Variants in NR5A2 observed in about 807,000 individuals in gnomAD.
The protein encoded by NR5A2 is nuclear receptor subfamily 5 group A member 2, also known as CYP7A promoter-binding factor.
In NR5A2, 26 loss-of-function variants were observed where a neutral mutation model predicts 62.7. The observed-to-expected ratio is 0.41, with a 90% CI of 0.30 to 0.58. The LOEUF (loss-of-function observed/expected upper bound fraction) is 0.58. NR5A2 is among the 20% of genes least tolerant of loss of function. The pLI is 0.22. For missense variants in NR5A2, 541 were observed against 669.1 expected, an observed-to-expected ratio of 0.81 and a Z score of 2.11; for synonymous variants, 246 against 241.7, an observed-to-expected ratio of 1.02 and a Z score of -0.16.
intron 7 of NR5A2, among the ~76,000 whole-genome samples, chr1:200,171,219 A>G (rs555656966): frequency 6.6e-6 from 1 of 152,218 alleles, no homozygotes. Flanking sequence ...GGCAAGTAAG[A>G]ATCTTTGGGA....
chr1:200,137,062 C>T (rs1667253531), intron 7 of NR5A2, among the ~76,000 whole-genome samples: 1 of 152,088 alleles, frequency 6.6e-6, no homozygotes. Context: ...CTCAACCTCC[C>T]TGGTTCAAGC....
chr1:200,036,317 C>T (rs1321261467), intron 1 of NR5A2, among the ~76,000 whole-genome samples: 3 of 152,220 alleles, frequency 2.0e-5, no homozygotes, highest in Admixed American at 1.3e-4. Context: ...AGAGGGCTTT[C>T]TGGGGGACGC....
At chr1:200,130,396 T>C (rs995449401) in intron 7 of NR5A2, among the ~76,000 whole-genome samples, 1 of 151,644 alleles carries the variant, frequency 6.6e-6, no homozygotes, top group African/African-American at 2.4e-5. Flanking sequence ...AGATGAACGA[T>C]TCATTCACTG....
chr1:200,122,459 A>T (rs1283104501), intron 7 of NR5A2, among the ~76,000 whole-genome samples: 1 of 152,208 alleles, frequency 6.6e-6, no homozygotes, highest in African/African-American at 2.4e-5. Context: ...TAGTTGAAGA[A>T]ATGTATTACA....
chr1:200,054,237 T>C (rs1192286662), intron 5 of NR5A2: 2 of 152,232 alleles, frequency 1.3e-5, no homozygotes, highest in African/African-American at 4.8e-5. Flanking sequence ...ACCAAATCTG[T>C]TGAGTGACCT....
intron 5 of NR5A2, among the ~76,000 whole-genome samples, chr1:200,100,809 T>A (rs888396115): frequency 2.0e-5 from 3 of 152,126 alleles, no homozygotes; most frequent in Admixed American, 1.3e-4. Flanking sequence ...TAGGAGAAGA[T>A]GTTTTGCAAA....
At chr1:200,146,345 AGTGGATTCT>A (rs1667695067) in intron 7 of NR5A2, among the ~76,000 whole-genome samples, 1 of 152,314 alleles carries the variant, frequency 6.6e-6, no homozygotes, top group African/African-American at 2.4e-5. Flanking sequence ...AACCCTACTC[AGTGGATTCT>A]GTTGCTCTAC....
chr1:200,150,090 T>C (rs1211992921), intron 7 of NR5A2, among the ~76,000 whole-genome samples: 3 of 152,224 alleles, frequency 2.0e-5, no homozygotes, highest in Non-Finnish European at 4.4e-5. Context: ...GGATAAACAT[T>C]AATTGCTTAG....
At chr1:200,053,963 A>C (rs1259341548) in intron 5 of NR5A2, 1 of 152,262 alleles carries the variant, frequency 6.6e-6, no homozygotes, top group Non-Finnish European at 1.5e-5. Flanking sequence ...TAAAGCGGCC[A>C]AACACGATTA....
chr1:200,040,634 T>C (rs1253073454), intron 2 of NR5A2, among the ~76,000 whole-genome samples: 3 of 152,218 alleles, frequency 2.0e-5, no homozygotes, highest in Non-Finnish European at 2.9e-5. Flanking sequence ...CTAGGAAAAG[T>C]CACCGGTGCT....
intron 5 of NR5A2, among the ~76,000 whole-genome samples, chr1:200,076,999 G>A (rs914966614): frequency 6.6e-6 from 1 of 152,334 alleles, no homozygotes; most frequent in Admixed American, 6.5e-5. Context: ...ACCATGTCAT[G>A]TGACATGTAT....
In NR5A2 at chr1:200,145,720, T is replaced by C. The variant is rs547651055; in HGVS notation, c.1378+24765T>C. ...ATAGCTCACTGCAGCCTTGAACCCC[T>C]GAGCTCAGGCAATCAGCCTCAGCCT... On this transcript the variant is annotated intron_variant, in intron 7 of 7. Transcript: ENST00000367362. Among the ~76,000 whole-genome samples, 4 of 152,264 alleles carry C rather than the reference T, an allele frequency of 2.6e-5. No individual in the cohort carries two copies. In the South Asian group the frequency reaches 8.3e-4, roughly 32 times the overall value.
chr1:200,144,779 G>A (rs188856584), intron 7 of NR5A2, among the ~76,000 whole-genome samples: 1 of 152,256 alleles, frequency 6.6e-6, no homozygotes, highest in East Asian at 1.9e-4. Context: ...ATTACGGTAT[G>A]AGGTGAAATT....
intron 5 of NR5A2, among the ~76,000 whole-genome samples, chr1:200,070,107 A>T (rs781372093): frequency 1.6e-4 from 24 of 152,154 alleles, no homozygotes; most frequent in Non-Finnish European, 2.6e-4. Context: ...TTTGACTGAT[A>T]TAAATTGTGC....
chr1:200,137,448 G>A (rs1031375351), intron 7 of NR5A2, among the ~76,000 whole-genome samples: 1 of 151,374 alleles, frequency 6.6e-6, no homozygotes. Context: ...TTACAGGCGT[G>A]AGCCACCACA....
intron 5 of NR5A2, among the ~76,000 whole-genome samples, chr1:200,100,276 A>C (rs1179138317): frequency 6.6e-6 from 1 of 152,210 alleles, no homozygotes; most frequent in African/African-American, 2.4e-5. Flanking sequence ...GCATCACCTG[A>C]AATATTTTCC....
At position 200,039,888 on chromosome 1, in the gene NR5A2, G is replaced by A. The variant is rs902401201; in HGVS notation, c.202+93G>A. ...TCAGCCTCCCGCCCCGCGCGGGCGC[G>A]GGAGTAGCCCCGCTGGGCGCTCGCA... is the stretch of plus-strand genomic sequence containing the variant. On this transcript the variant is annotated intron_variant, in intron 2 of 7. Transcript: ENST00000367362. The surrounding 1 kb of genome is among the most constrained non-coding windows in gnomAD (Gnocchi z 5.1). The A allele has an allele frequency of 1.9e-4, 267 of 1,420,952 alleles. 2 individuals carry two copies. The Middle Eastern group carries it at 5.3e-3, about 28-fold the overall frequency. 88.0% of individuals were successfully genotyped at this position (1,420,952 alleles called of 1,614,324 possible).
intron 7 of NR5A2, among the ~76,000 whole-genome samples, chr1:200,164,503 A>G (rs988096210): frequency 2.6e-5 from 4 of 151,964 alleles, no homozygotes; most frequent in Admixed American, 1.3e-4. Context: ...AATATGCACA[A>G]TGTAAAATTT....
At chr1:200,051,469 C>G (rs1464980448) in intron 5 of NR5A2, among the ~76,000 whole-genome samples, 1 of 152,020 alleles carries the variant, frequency 6.6e-6, no homozygotes, top group Non-Finnish European at 1.5e-5. Flanking sequence ...CATATAAAAG[C>G]ATTTTTCAAT....
Sources: gnomAD v4.1 joint callset for allele counts (sites outside exome capture counted in the v4.1 genomes callset) on GRCh38, gnomAD v4.1.1 for gene constraint, Gnocchi (gnomAD v3.1) non-coding constraint, MANE v1.5 for transcripts, NCBI Gene and HGNC (gene_info 2026-07-23, HGNC 2026-07-21) for gene names.